PKIB: variants seen among roughly 807,000 people sequenced by gnomAD.
PKIB encodes the protein cAMP-dependent protein kinase inhibitor beta.
Under a neutral mutation model 4.5 loss-of-function variants are expected in PKIB, and 2 were observed. The ratio of observed to expected loss-of-function variants is 0.44; its 90% CI spans 0.18 to 1.39. PKIB has a LOEUF of 1.39. PKIB is among the 40% of genes most tolerant of loss of function. PKIB has a pLI of 0.27. For synonymous variants in PKIB, 38 were observed against 36.0 expected (o/e 1.06, Z -0.20); for missense variants, 94 against 92.6 (o/e 1.02, Z -0.06).
In PKIB at chr6:122,536,778, A is replaced by G. The variant is rs188928045; in HGVS notation, c.-247-49143A>G. Among the ~76,000 whole-genome samples the G allele has an allele frequency of 6.7e-5, 10 of 148,334 alleles. No homozygotes were observed. In the East Asian group the frequency reaches 1.6e-3, roughly 24 times the overall value. On this transcript the variant is annotated intron_variant, in intron 2 of 6. Transcript: ENST00000392491. ...ATAATATTAAAACAATGACAGTAAA[A>G]TTAAAAAATAAAAGAGAGAAAAACA... is the stretch of plus-strand genomic sequence containing the variant.
At chr6:122,499,295 T>C (rs935128947) in intron 2 of PKIB, among the ~76,000 whole-genome samples, 1 of 152,146 alleles carries the variant, frequency 6.6e-6, no homozygotes, top group African/African-American at 2.4e-5. Flanking sequence ...CTAATGAATA[T>C]AGGCAGAAAA....
chr6:122,521,747 A>G (rs1776954750), intron 2 of PKIB, among the ~76,000 whole-genome samples: 1 of 152,176 alleles, frequency 6.6e-6, no homozygotes, highest in Non-Finnish European at 1.5e-5. Context: ...ATTTTCCATC[A>G]GCTCCTGAGG....
At chr6:122,632,802 T>C (rs961062876) in intron 1 of PKIB, among the ~76,000 whole-genome samples, 1 of 152,216 alleles carries the variant, frequency 6.6e-6, no homozygotes, top group African/African-American at 2.4e-5. Flanking sequence ...CAGGGATATA[T>C]TGCTTTTTAA....
At chr6:122,588,081 G>C (rs1363776681) in intron 3 of PKIB, among the ~76,000 whole-genome samples, 1 of 152,118 alleles carries the variant, frequency 6.6e-6, no homozygotes, top group Non-Finnish European at 1.5e-5. Flanking sequence ...TGGTGTTTTA[G>C]ACATGAAGTC....
chr6:122,606,669 G>A (rs1018365343), upstream of PKIB, among the ~76,000 whole-genome samples: 6 of 152,036 alleles, frequency 3.9e-5, no homozygotes, highest in Admixed American at 3.9e-4. Flanking sequence ...CAGACTTCTG[G>A]CTTCCAGAAT....
chr6:122,680,660 TTGCTTCTGAGGC>T (rs1777863153), intron 3 of PKIB, among the ~76,000 whole-genome samples: 1 of 152,126 alleles, frequency 6.6e-6, no homozygotes, highest in African/African-American at 2.4e-5. Flanking sequence ...AGAAAAACTT[TTGCTTCTGAGGC>T]TGCTTCTGAA....
At chr6:122,682,721 A>G (rs921328597) in intron 3 of PKIB, among the ~76,000 whole-genome samples, 2 of 151,906 alleles carry the variant, frequency 1.3e-5, no homozygotes, top group African/African-American at 4.8e-5. Context: ...CTCTCTTCCA[A>G]AGAGAGACTT....
At chr6:122,553,326 C>T (rs990832570) in intron 2 of PKIB, among the ~76,000 whole-genome samples, 4 of 151,872 alleles carry the variant, frequency 2.6e-5, no homozygotes, top group Admixed American at 6.6e-5. Context: ...TGACCAAAAC[C>T]GCAAATTACT....
At chr6:122,486,461 T>C (rs1468720149) in intron 2 of PKIB, among the ~76,000 whole-genome samples, 1 of 152,118 alleles carries the variant, frequency 6.6e-6, no homozygotes, top group African/African-American at 2.4e-5. Context: ...GTTTAATGCA[T>C]TTTAAGTTTA....
intron 2 of PKIB, among the ~76,000 whole-genome samples, chr6:122,501,766 A>G (rs1776244955): frequency 6.6e-6 from 1 of 152,104 alleles, no homozygotes; most frequent in African/African-American, 2.4e-5. Flanking sequence ...GGCTATTAAC[A>G]TTCAGCTCTT....
chr6:122,666,839 A>G (rs181318381), intron 2 of PKIB, among the ~76,000 whole-genome samples: 19 of 152,340 alleles, frequency 1.2e-4, no homozygotes, highest in Admixed American at 1.2e-3. Flanking sequence ...GTCAACCACT[A>G]CTACTAGTAT....
chr6:122,719,485 C>T (rs2115081255), intron 4 of PKIB, among the ~76,000 whole-genome samples: 1 of 152,220 alleles, frequency 6.6e-6, no homozygotes, highest in African/African-American at 2.4e-5. Flanking sequence ...GTAAATACCA[C>T]ATGATCTTAT....
At chr6:122,681,656 AAT>A (rs1409483814) in intron 3 of PKIB, among the ~76,000 whole-genome samples, 3 of 152,226 alleles carry the variant, frequency 2.0e-5, no homozygotes, top group Non-Finnish European at 4.4e-5. Context: ...TATAAAGATC[AAT>A]ATGTCACCAT....
At chr6:122,499,756 G>T (rs935716264) in intron 2 of PKIB, among the ~76,000 whole-genome samples, 1 of 152,136 alleles carries the variant, frequency 6.6e-6, no homozygotes, top group Non-Finnish European at 1.5e-5. Context: ...AATAGGAAAA[G>T]AAGAAGCCAA....
intron 3 of PKIB, among the ~76,000 whole-genome samples, chr6:122,592,905 C>T (rs1774060769): frequency 6.6e-6 from 1 of 152,162 alleles, no homozygotes; most frequent in Non-Finnish European, 1.5e-5. Flanking sequence ...ACTCCCAGTA[C>T]TACCAATTCT....
intron 2 of PKIB, among the ~76,000 whole-genome samples, chr6:122,536,399 T>C (rs1285865429): frequency 6.6e-6 from 1 of 152,210 alleles, no homozygotes; most frequent in East Asian, 1.9e-4. Flanking sequence ...CTAGCAAATA[T>C]TCCCAATAAT....
intron 3 of PKIB, among the ~76,000 whole-genome samples, chr6:122,602,414 AT>A (rs370102689): frequency 6.0e-4 from 92 of 152,356 alleles, no homozygotes; most frequent in African/African-American, 2.1e-3. Flanking sequence ...CATAAGATGC[AT>A]CTTAGCCTCA....
chr6:122,491,775 A>C (rs1775939591), intron 2 of PKIB, among the ~76,000 whole-genome samples: 3 of 152,228 alleles, frequency 2.0e-5, no homozygotes, highest in Admixed American at 2.0e-4. Flanking sequence ...TGACTCAAAA[A>C]TATCAAGAAT....
chr6:122,572,047 G>A lies in PKIB; in HGVS notation c.-247-13874G>A, dbSNP rs572336449. Among the ~76,000 whole-genome samples, 3 of 152,122 alleles carry A rather than the reference G, an allele frequency of 2.0e-5. No individual in the cohort carries two copies. The South Asian group carries it at 6.2e-4, about 32-fold the overall frequency. ...ACTCATGGTTAAGGGGTGGAAGAAG[G>A]TATTCCACGCAAATGGAAACTGACA... On this transcript the variant is annotated intron_variant, in intron 2 of 6. Coordinates refer to the PKIB transcript ENST00000392491.
Sources: gnomAD v4.1 joint callset for allele counts (sites outside exome capture counted in the v4.1 genomes callset) on GRCh38, gnomAD v4.1.1 for gene constraint, MANE v1.5 for transcripts, NCBI Gene and HGNC (gene_info 2026-07-23, HGNC 2026-07-21) for gene names.